GALNTL6: variants seen among roughly 807,000 people sequenced by gnomAD.
The protein encoded by GALNTL6 is polypeptide N-acetylgalactosaminyltransferase-like 6.
Under a neutral mutation model 73.7 loss-of-function variants are expected in GALNTL6, and 46 were observed. That is an observed-to-expected ratio of 0.62 (90% CI 0.49 to 0.80). The LOEUF (loss-of-function observed/expected upper bound fraction) is 0.80, where lower values mean the gene tolerates loss of function less well. GALNTL6 is among the 30% of genes least tolerant of loss of function. GALNTL6 has a pLI of 0.00. For synonymous variants in GALNTL6, 259 were observed against 263.7 expected (o/e 0.98, Z 0.17); for missense variants, 604 against 755.0 (o/e 0.80, Z 2.34).
intron 3 of GALNTL6, among the ~76,000 whole-genome samples, chr4:172,257,692 C>G (rs1205459959): frequency 6.6e-6 from 1 of 151,096 alleles, no homozygotes; most frequent in African/African-American, 2.4e-5. Flanking sequence ...AAGTTCAGTA[C>G]AGGGATATGA....
intron 2 of GALNTL6, among the ~76,000 whole-genome samples, chr4:171,957,906 T>G (rs986146318): frequency 1.3e-5 from 2 of 152,210 alleles, no homozygotes; most frequent in Non-Finnish European, 2.9e-5. Flanking sequence ...GGTATCCATT[T>G]TGCTGGATGC....
intron 3 of GALNTL6, among the ~76,000 whole-genome samples, chr4:172,295,201 C>G (rs758335151): frequency 5.9e-5 from 9 of 152,038 alleles, no homozygotes; most frequent in Admixed American, 5.9e-4. Context: ...GTGGGTGGAT[C>G]ACCTGAGGTC....
chr4:172,939,896 C>G (rs965263579), intron 9 of GALNTL6, among the ~76,000 whole-genome samples: 1 of 152,084 alleles, frequency 6.6e-6, no homozygotes, highest in African/African-American at 2.4e-5. Flanking sequence ...CCACTCAACC[C>G]TCATCTACTG....
chr4:172,742,376 A>G (rs1736857409), intron 5 of GALNTL6, among the ~76,000 whole-genome samples: 1 of 151,688 alleles, frequency 6.6e-6, no homozygotes, highest in Non-Finnish European at 1.5e-5. Context: ...ATTTTCCTGA[A>G]TAGTCCAAAC....
chr4:172,179,837 G>T (rs1027699383), intron 2 of GALNTL6, among the ~76,000 whole-genome samples: 1 of 152,092 alleles, frequency 6.6e-6, no homozygotes, highest in East Asian at 1.9e-4. Context: ...TCTTTATCCA[G>T]TCTATCACTG....
chr4:172,652,818 T>C (rs1740536215), intron 5 of GALNTL6, among the ~76,000 whole-genome samples: 1 of 152,232 alleles, frequency 6.6e-6, no homozygotes, highest in African/African-American at 2.4e-5. Context: ...ATTCAATAGA[T>C]AGGATTCCTT....
chr4:171,956,011 T>C (rs76455697), intron 2 of GALNTL6, among the ~76,000 whole-genome samples: 1 of 151,476 alleles, frequency 6.6e-6, no homozygotes, highest in Non-Finnish European at 1.5e-5. Flanking sequence ...TGTGTGTGTG[T>C]GTGGGACAGG....
intron 5 of GALNTL6, among the ~76,000 whole-genome samples, chr4:172,375,447 T>G (rs1312212543): frequency 6.6e-6 from 1 of 152,188 alleles, no homozygotes; most frequent in African/African-American, 2.4e-5. Flanking sequence ...AGCCTCTTGA[T>G]GCCTGAGTGT....
chr4:172,819,144 T>C lies in GALNTL6; in HGVS notation c.923+5421T>C, dbSNP rs900049063. Among the ~76,000 whole-genome samples, 6 of 152,194 alleles carry C rather than the reference T, an allele frequency of 3.9e-5. No individual in the cohort carries two copies. In the South Asian group the frequency reaches 1.2e-3, roughly 32 times the overall value. On this transcript the variant is annotated intron_variant, in intron 7 of 12. Transcript: ENST00000506823. ...GTCCAGAAGTGTGAGGCATAGCCCATGCTAAAATGGGGAAAATTCTACCTC... is the reference window on the plus strand; with the variant it reads ...GTCCAGAAGTGTGAGGCATAGCCCACGCTAAAATGGGGAAAATTCTACCTC...
intron 2 of GALNTL6, among the ~76,000 whole-genome samples, chr4:172,037,363 T>A (rs1181125577): frequency 6.6e-6 from 1 of 152,136 alleles, no homozygotes; most frequent in Non-Finnish European, 1.5e-5. Flanking sequence ...CCTAGTCAGC[T>A]CTTCCTCTCA....
At chr4:172,977,222 CT>C (rs1198186273) in intron 10 of GALNTL6, among the ~76,000 whole-genome samples, 5 of 152,210 alleles carry the variant, frequency 3.3e-5, no homozygotes, top group Non-Finnish European at 5.9e-5. Flanking sequence ...GAACAACACT[CT>C]GGGTCTATTG....
chr4:172,181,314 A>G (rs1735235720), intron 2 of GALNTL6, among the ~76,000 whole-genome samples: 1 of 152,226 alleles, frequency 6.6e-6, no homozygotes, highest in Non-Finnish European at 1.5e-5. Context: ...TTGGTTCAAC[A>G]TACTCAAATC....
At chr4:172,246,092 C>G (rs868015182) in intron 3 of GALNTL6, among the ~76,000 whole-genome samples, 11 of 152,136 alleles carry the variant, frequency 7.2e-5, no homozygotes, top group African/African-American at 2.6e-4. Flanking sequence ...AACATAGATA[C>G]TATAATAAGA....
In GALNTL6 at chr4:173,039,986, A is replaced by G. The variant is rs200648527; in HGVS notation, c.1692A>G (p.Ala564=). The G allele has an allele frequency of 6.2e-7, 1 of 1,613,956 alleles. No individual in the cohort carries two copies. The highest frequency in any genetic ancestry group is 1.3e-5 in the African/African-American group (1 of 75,040). The change falls in exon 13 of 13, where the codon GCA becomes GCG. Residue 564 remains alanine, a synonymous_variant. Coordinates refer to ENST00000506823, the MANE Select transcript of GALNTL6 (RefSeq NM_001034845.3). ...VSNSCMDCNP[A]EKKIFMARCD... ...ACAGCTGCATGGATTGCAACCCCGC[A>G]GAGAAGAAGATTTTCATGGCCAGAT...
chr4:172,829,811 G>A (rs1169907059), intron 7 of GALNTL6, among the ~76,000 whole-genome samples: 1 of 152,132 alleles, frequency 6.6e-6, no homozygotes, highest in African/African-American at 2.4e-5. Flanking sequence ...TTGGTCTGAT[G>A]AATACTTTCT....
At chr4:172,694,309 A>G (rs1042052214) in intron 5 of GALNTL6, among the ~76,000 whole-genome samples, 7 of 151,118 alleles carry the variant, frequency 4.6e-5, no homozygotes, top group East Asian at 3.9e-4. Flanking sequence ...CCAATACCCC[A>G]ACAGGCCCCA....
intron 5 of GALNTL6, among the ~76,000 whole-genome samples, chr4:172,669,911 C>G (rs546224209): frequency 2.8e-4 from 43 of 152,256 alleles, no homozygotes; most frequent in African/African-American, 1.0e-3. Context: ...TAAGTGAGAG[C>G]ATGTGGTATT....
At chr4:172,803,726 A>G (rs1311974419) in intron 5 of GALNTL6, among the ~76,000 whole-genome samples, 1 of 152,216 alleles carries the variant, frequency 6.6e-6, no homozygotes, top group Non-Finnish European at 1.5e-5. Flanking sequence ...TTAGCAAAAA[A>G]TATATTTTAT....
At chr4:172,243,928 G>A (rs900966189) in intron 3 of GALNTL6, among the ~76,000 whole-genome samples, 1 of 152,104 alleles carries the variant, frequency 6.6e-6, no homozygotes, top group South Asian at 2.1e-4. Flanking sequence ...CATTGCTATG[G>A]CTACAATGGG....
Sources: allele counts gnomAD v4.1 joint callset (sites outside exome capture counted in the v4.1 genomes callset), GRCh38; gene constraint gnomAD v4.1.1; transcripts MANE v1.5; gene names NCBI Gene and HGNC (gene_info 2026-07-23, HGNC 2026-07-21).